GSE1: variants seen among roughly 807,000 people sequenced by gnomAD.
GSE1 encodes the protein genetic suppressor element 1.
A neutral mutation model predicts 112.6 loss-of-function variants in GSE1; 32 were observed. The observed-to-expected ratio is 0.28, with a 90% CI of 0.21 to 0.38. The LOEUF (loss-of-function observed/expected upper bound fraction) is 0.38. Ranked by LOEUF, GSE1 falls within the 10% of genes least tolerant of loss-of-function variation. GSE1 has a pLI of 1.00. For synonymous variants in GSE1, 1,115 were observed against 735.6 expected (o/e 1.52, Z -8.35); for missense variants, 2,348 against 1,699.2 (o/e 1.38, Z -6.71).
At chr16:85,501,284 G>C (rs994650074) in intron 2 of GSE1, among the ~76,000 whole-genome samples, 1 of 151,946 alleles carries the variant, frequency 6.6e-6, no homozygotes. Context: ...TTACAGGCGT[G>C]AGCCACCGCA....
chr16:85,281,859 CGTTATCTGA>C (rs2044867473), intron 1 of GSE1, among the ~76,000 whole-genome samples: 1 of 152,106 alleles, frequency 6.6e-6, no homozygotes, highest in East Asian at 1.9e-4. Flanking sequence ...AATAGATTCA[CGTTATCTGA>C]GCAGGACACG....
chr16:85,207,046 G>A (rs1232426760), intron 1 of GSE1, among the ~76,000 whole-genome samples: 1 of 152,234 alleles, frequency 6.6e-6, no homozygotes, highest in African/African-American at 2.4e-5. Context: ...GCTGGCCCCG[G>A]CTCTTGGCAG....
At chr16:85,589,824 ATGTG>A (rs960474652) in intron 1 of GSE1, among the ~76,000 whole-genome samples, 4 of 144,132 alleles carry the variant, frequency 2.8e-5, no homozygotes, top group Non-Finnish European at 4.4e-5. Flanking sequence ...GAGTGTGAAT[ATGTG>A]TGAATGTGTG....
In GSE1 at chr16:85,672,791, T is replaced by G; in HGVS notation, c.*252T>G. ...ACAGTTTTTCTTTTTAAAGGTGGTT[T>G]TCGCCCTTCCTCTCCCACATTATTT... On this transcript the variant is annotated 3_prime_UTR_variant, in exon 16 of 16. Coordinates refer to ENST00000253458, the MANE Select transcript of GSE1 (RefSeq NM_014615.5). 1 of 302,190 alleles carries G rather than the reference T, an allele frequency of 3.3e-6. No homozygotes were observed. Among genetic ancestry groups the G allele is most frequent in the Non-Finnish European group, 6.1e-6 (1 of 162,812 alleles). The allele number at this position is 302,190 out of a possible 1,614,324, so 18.7% of individuals were successfully genotyped here.
chr16:85,236,266 C>T (rs556216553), intron 1 of GSE1, among the ~76,000 whole-genome samples: 1 of 152,190 alleles, frequency 6.6e-6, no homozygotes, highest in Non-Finnish European at 1.5e-5. Flanking sequence ...GGCACCTTGG[C>T]TGGCCCCCGT....
At chr16:85,612,582 C>T (rs1419927632), upstream of GSE1, among the ~76,000 whole-genome samples, 1 of 151,702 alleles carries the variant, frequency 6.6e-6, no homozygotes. Context: ...CCGCAGCGGC[C>T]CGCAATTGTG....
intron 3 of GSE1, among the ~76,000 whole-genome samples, chr16:85,652,844 T>C (rs2051489428): frequency 6.6e-6 from 1 of 152,004 alleles, no homozygotes; most frequent in Non-Finnish European, 1.5e-5. Context: ...GGCCTCCTTG[T>C]TTTTTGGGTG....
At chr16:85,386,184 C>T (rs190183965) in intron 2 of GSE1, among the ~76,000 whole-genome samples, 21 of 152,216 alleles carry the variant, frequency 1.4e-4, no homozygotes, top group African/African-American at 3.6e-4. Context: ...CGCCCTGCCC[C>T]CTGTTTGGGC....
At chr16:85,290,375 G>A (rs945771782) in intron 1 of GSE1, among the ~76,000 whole-genome samples, 2 of 152,202 alleles carry the variant, frequency 1.3e-5, no homozygotes, top group African/African-American at 4.8e-5. Flanking sequence ...GACCTCCAGT[G>A]AGCTCCGTTC....
intron 1 of GSE1, among the ~76,000 whole-genome samples, chr16:85,178,313 G>T (rs1428049237): frequency 6.6e-6 from 1 of 152,136 alleles, no homozygotes; most frequent in Non-Finnish European, 1.5e-5. Context: ...TTAAGGCCTG[G>T]ATGTTGGGGG....
Position 85,224,832 on chromosome 16 carries a change from AC to A in GSE1, c.2283+53026del, listed in dbSNP as rs1202145587. ...GTGAAACCCTGTCTCTACTAAAAAT[AC>A]AAAAAAAAAAAAAAAATTAGCCAGG... On this transcript the variant is annotated intron_variant, in intron 1 of 2. Transcript: ENST00000637419. Among the ~76,000 whole-genome samples, 514 of 140,492 alleles carry A rather than the reference AC, an allele frequency of 3.7e-3. 4 individuals are homozygous for A. The highest frequency in any genetic ancestry group is 0.011 in the African/African-American group (406 of 37,230). The allele number at this position is 140,492 out of a possible 152,430, so 92.2% of individuals were successfully genotyped here.
chr16:85,281,769 A>G (rs1028827344), intron 1 of GSE1, among the ~76,000 whole-genome samples: 12 of 152,162 alleles, frequency 7.9e-5, no homozygotes, highest in Admixed American at 6.5e-5. Flanking sequence ...GGGAGGATGG[A>G]GAGCATGTGC....
chr16:85,217,436 C>T (rs954964577), intron 1 of GSE1, among the ~76,000 whole-genome samples: 2 of 152,312 alleles, frequency 1.3e-5, no homozygotes, highest in South Asian at 2.1e-4. Context: ...GTGTGCCCTG[C>T]AGAGTATGAG....
chr16:85,490,119 T>G (rs1205860984), intron 2 of GSE1: 1 of 152,264 alleles, frequency 6.6e-6, no homozygotes, highest in Non-Finnish European at 1.5e-5. Flanking sequence ...GACATACAGG[T>G]GGGGGTGGTG....
intron 2 of GSE1, among the ~76,000 whole-genome samples, chr16:85,440,558 G>A (rs1384437047): frequency 6.6e-6 from 1 of 152,208 alleles, no homozygotes; most frequent in African/African-American, 2.4e-5. Flanking sequence ...ATCTTCAGCC[G>A]ACACTGGGAG....
At chr16:85,427,248 G>C (rs867334231) in intron 2 of GSE1, among the ~76,000 whole-genome samples, 3 of 152,290 alleles carry the variant, frequency 2.0e-5, no homozygotes, top group East Asian at 3.9e-4. Context: ...CACTGTCTAC[G>C]GATTATACAA....
intron 2 of GSE1, among the ~76,000 whole-genome samples, chr16:85,448,538 G>A (rs1329298153): frequency 6.6e-6 from 1 of 152,214 alleles, no homozygotes; most frequent in African/African-American, 2.4e-5. Context: ...GATGAGGCGG[G>A]ACCCCAGGGG....
intron 1 of GSE1, among the ~76,000 whole-genome samples, chr16:85,563,945 C>T (rs1316264913): frequency 1.3e-5 from 2 of 152,238 alleles, no homozygotes; most frequent in African/African-American, 4.8e-5. Flanking sequence ...TAGTCCTGTC[C>T]TCTGAGGACA....
At chr16:85,654,157 G>A in intron 3 of GSE1, 121 bp from the exon 4 acceptor site, 1 of 889,706 alleles carries the variant, frequency 1.1e-6, no homozygotes, top group Non-Finnish European at 1.7e-6. Context: ...CTTAGGGAAA[G>A]GATGTTTCTA....
Sources: allele counts gnomAD v4.1 joint callset (sites outside exome capture counted in the v4.1 genomes callset), GRCh38; gene constraint gnomAD v4.1.1; transcripts MANE v1.5; gene names NCBI Gene and HGNC (gene_info 2026-07-23, HGNC 2026-07-21).